ADK: variants seen among roughly 807,000 people sequenced by gnomAD.
ADK encodes the protein N6,N6-dimethyladenosine kinase.
ADK carries 24 observed loss-of-function variants against 44.7 expected under a neutral mutation model. That is an observed-to-expected ratio of 0.54 (90% CI 0.39 to 0.76). ADK has a LOEUF of 0.76. Among genes scored for constraint, ADK ranks in the 30% least tolerant of loss-of-function variants. The probability of loss-of-function intolerance (pLI) is 0.00; values close to 1 mark genes in which losing one functional copy is unlikely to be tolerated. For missense variants in ADK, 321 were observed against 425.1 expected (o/e 0.76, Z 2.15); for synonymous variants, 128 against 142.6 (o/e 0.90, Z 0.73).
intron 9 of ADK, among the ~76,000 whole-genome samples, chr10:74,617,620 G>C (rs531647169): frequency 6.6e-6 from 1 of 152,068 alleles, no homozygotes; most frequent in South Asian, 2.1e-4. Flanking sequence ...TTTTGAGAGA[G>C]GGTCTCGTCT....
At chr10:74,371,960 A>G (rs1049255022) in intron 4 of ADK, 11 of 958,024 alleles carry the variant, frequency 1.1e-5, no homozygotes, top group African/African-American at 3.2e-5. Context: ...ACGTTAACCT[A>G]TCTACCGTTG....
At chr10:74,367,898 A>T (rs1388512704) in intron 4 of ADK, among the ~76,000 whole-genome samples, 15 of 152,226 alleles carry the variant, frequency 9.9e-5, no homozygotes, top group Admixed American at 9.8e-4. Flanking sequence ...AACTTGGTTC[A>T]GGCATGAGTT....
intron 9 of ADK, among the ~76,000 whole-genome samples, chr10:74,660,729 CAAAAAAAAAAAA>C (rs747443907): frequency 1.1e-5 from 1 of 92,888 alleles, no homozygotes; most frequent in Admixed American, 1.3e-4. Context: ...GACCCTGTCT[CAAAAAAAAAAAA>C]AAAAAAAAGA....
intron 6 of ADK, among the ~76,000 whole-genome samples, chr10:74,468,408 G>A (rs1846435029): frequency 1.3e-5 from 2 of 152,136 alleles, no homozygotes; most frequent in Admixed American, 6.5e-5. Context: ...ATGGCATGCT[G>A]TCATGTCAGC....
At chr10:74,252,254 T>C (rs116579087) in intron 3 of ADK, among the ~76,000 whole-genome samples, 1,942 of 152,328 alleles carry the variant, frequency 0.013, 49 homozygotes, top group African/African-American at 0.044. Context: ...GGATCCTTAA[T>C]GATCTTGTTG....
chr10:74,609,772 T>C (rs1852475328), intron 9 of ADK, among the ~76,000 whole-genome samples: 1 of 152,212 alleles, frequency 6.6e-6, no homozygotes, highest in Non-Finnish European at 1.5e-5. Flanking sequence ...AATGTTTCCT[T>C]GGAGTTTTAT....
rs1436942032 is a variant in ADK at position 74,343,670 on chromosome 10, A to C, written c.273+28925A>C. Among the ~76,000 whole-genome samples, 3 of 152,264 alleles carry C rather than the reference A, an allele frequency of 2.0e-5. No individual in the cohort carries two copies. The South Asian group carries it at 6.2e-4, about 32-fold the overall frequency. On this transcript the variant is annotated intron_variant, in intron 4 of 10. Transcript: ENST00000539909. ...GTTGCCCAGGTTAGCGTGCAATGGCATGATCTTGGCTCACTGCAACTTCTG... is the reference window on the plus strand; with the variant it reads ...GTTGCCCAGGTTAGCGTGCAATGGCCTGATCTTGGCTCACTGCAACTTCTG...
At chr10:74,596,451 C>T (rs79475583) in intron 8 of ADK, among the ~76,000 whole-genome samples, 4 of 152,254 alleles carry the variant, frequency 2.6e-5, no homozygotes, top group East Asian at 3.9e-4. Flanking sequence ...TGCAATGATA[C>T]GGTCTCAGCT....
At chr10:74,554,445 A>G (rs1383636181) in intron 7 of ADK, among the ~76,000 whole-genome samples, 1 of 152,106 alleles carries the variant, frequency 6.6e-6, no homozygotes, top group Admixed American at 6.5e-5. Context: ...TTGCAAATAC[A>G]TCCTGTTTAT....
At chr10:74,165,862 A>G (rs1210011547) in intron 1 of ADK, among the ~76,000 whole-genome samples, 1 of 152,128 alleles carries the variant, frequency 6.6e-6, no homozygotes, top group African/African-American at 2.4e-5. Flanking sequence ...CCCCCAAAAT[A>G]ATTATTCTCT....
At chr10:74,190,656 G>C (rs1053230871) in intron 1 of ADK, among the ~76,000 whole-genome samples, 1 of 152,160 alleles carries the variant, frequency 6.6e-6, no homozygotes, top group Non-Finnish European at 1.5e-5. Flanking sequence ...TTAAATATTA[G>C]GAAGTCTTGG....
intron 6 of ADK, among the ~76,000 whole-genome samples, chr10:74,431,506 C>T (rs1033113317): frequency 2.0e-5 from 3 of 152,000 alleles, no homozygotes; most frequent in African/African-American, 4.8e-5. Flanking sequence ...TTTGGGAGGC[C>T]GAGGTGGGCA....
At chr10:74,648,672 A>G (rs1854142349) in intron 9 of ADK, among the ~76,000 whole-genome samples, 1 of 152,054 alleles carries the variant, frequency 6.6e-6, no homozygotes, top group Non-Finnish European at 1.5e-5. Context: ...GCGAGACTCC[A>G]TCTCAAAAAA....
chr10:74,686,111 A>G (rs935987884), intron 10 of ADK, among the ~76,000 whole-genome samples: 10 of 151,902 alleles, frequency 6.6e-5, no homozygotes, highest in Non-Finnish European at 1.2e-4. Context: ...GCAGGTGCCC[A>G]CCACCACGCC....
intron 6 of ADK, among the ~76,000 whole-genome samples, chr10:74,446,109 T>C (rs1034135332): frequency 6.6e-6 from 1 of 152,056 alleles, no homozygotes; most frequent in African/African-American, 2.4e-5. Flanking sequence ...AAATGAATAG[T>C]ATATACTTTA....
chr10:74,176,804 C>T (rs1236559729), intron 1 of ADK: 9 of 1,599,078 alleles, frequency 5.6e-6, no homozygotes, highest in Non-Finnish European at 7.6e-6. Flanking sequence ...GCTGTGGTAC[C>T]TGCTGCTGCC....
At chr10:74,219,965 A>G (rs1473365049) in intron 2 of ADK, among the ~76,000 whole-genome samples, 87 of 145,958 alleles carry the variant, frequency 6.0e-4, no homozygotes, top group African/African-American at 2.1e-3. Flanking sequence ...AAGAACTAGA[A>G]AAGCAAGAGC....
At chr10:74,602,662 GA>G (rs1046155822) in intron 9 of ADK, among the ~76,000 whole-genome samples, 6 of 152,174 alleles carry the variant, frequency 3.9e-5, no homozygotes, top group African/African-American at 9.7e-5. Context: ...CCTACCATAT[GA>G]AAATGAACTT....
chr10:74,484,622 C>T (rs1269818651), intron 6 of ADK, among the ~76,000 whole-genome samples: 1 of 152,062 alleles, frequency 6.6e-6, no homozygotes, highest in Non-Finnish European at 1.5e-5. Context: ...AAAAGCAAAA[C>T]GGCAAGAATA....
Sources: allele counts gnomAD v4.1 joint callset (sites outside exome capture counted in the v4.1 genomes callset), GRCh38; gene constraint gnomAD v4.1.1; transcripts MANE v1.5; gene names NCBI Gene and HGNC (gene_info 2026-07-23, HGNC 2026-07-21).